Variants in SLC26A7 observed in about 807,000 individuals in gnomAD.
SLC26A7 encodes solute carrier family 26 member 7.
In SLC26A7, 59 loss-of-function variants were observed where a neutral mutation model predicts 82.5. The ratio of observed to expected loss-of-function variants is 0.72; its 90% CI spans 0.58 to 0.89. SLC26A7 has a LOEUF of 0.89. Among genes scored for constraint, SLC26A7 ranks in the 40% least tolerant of loss-of-function variants. The pLI is 0.00. For synonymous variants in SLC26A7, 271 were observed against 274.3 expected (o/e 0.99, Z 0.12); for missense variants, 820 against 793.0 (o/e 1.03, Z -0.41).
At chr8:91,333,049 C>T (rs1257065109) in intron 5 of SLC26A7, among the ~76,000 whole-genome samples, 3 of 152,036 alleles carry the variant, frequency 2.0e-5, no homozygotes, top group Non-Finnish European at 2.9e-5. Context: ...TTGCATTTGG[C>T]TGGTTATTAT....
chr8:91,365,882 T>A (rs1386877247), intron 13 of SLC26A7, among the ~76,000 whole-genome samples: 1 of 152,226 alleles, frequency 6.6e-6, no homozygotes, highest in East Asian at 1.9e-4. Flanking sequence ...CCCTCCTGTC[T>A]ATTTCTAGGC....
At chr8:91,239,335 C>T (rs1352533696) in intron 2 of SLC26A7, among the ~76,000 whole-genome samples, 2 of 139,390 alleles carry the variant, frequency 1.4e-5, no homozygotes, top group African/African-American at 5.5e-5. Context: ...GCGTTCGCCC[C>T]ACTGCACTCC....
At chr8:91,388,514 A>T (rs776933614) in intron 15 of SLC26A7, among the ~76,000 whole-genome samples, 6 of 152,068 alleles carry the variant, frequency 3.9e-5, no homozygotes, top group Non-Finnish European at 5.9e-5. Context: ...TTAAGAATTA[A>T]TTTTTTCAGA....
chr8:91,396,433 T>C lies in SLC26A7; in HGVS notation c.*1336T>C, dbSNP rs1002696724. The C allele has an allele frequency of 3.9e-5, 6 of 152,026 alleles. No individual in the cohort carries two copies. The highest frequency in any genetic ancestry group is 8.8e-5 in the Non-Finnish European group (6 of 67,900). 9.4% of individuals were successfully genotyped at this position (152,026 alleles called of 1,614,324 possible). A position where few individuals can be genotyped will look rare whatever the true frequency, so the allele number is the denominator to read the frequency against. ...AGCCATTTAGGTGCTTTCTCTGGCA[T>C]CTATAAAAGTAAATTCTAGTGCCTG... On this transcript the variant is annotated 3_prime_UTR_variant, in exon 19 of 19. Transcript: ENST00000276609.
In SLC26A7 at chr8:91,249,685, C is replaced by A; in HGVS notation, c.34C>A (p.Leu12Ile). ...TGAKRKKKSM[L>I]WSKMHTPQCE... Reference sequence around the variant, plus strand: ...AGCAAAGAGGAAAAAGAAAAGCATGCTTTGGAGCAAGATGCATACCCCCCA... The same window carrying A: ...AGCAAAGAGGAAAAAGAAAAGCATGATTTGGAGCAAGATGCATACCCCCCA... Residue 12 changes from leucine (L) to isoleucine (I), a missense_variant, in exon 2 of 19, where the codon CTT (leucine) becomes ATT (isoleucine). Coordinates refer to ENST00000276609, the MANE Select transcript of SLC26A7 (RefSeq NM_052832.4). 1 of 1,560,154 alleles carries A rather than the reference C, an allele frequency of 6.4e-7. No homozygotes were observed. Among genetic ancestry groups the A allele is most frequent in the Non-Finnish European group, 8.6e-7 (1 of 1,157,176 alleles).
chr8:91,339,721 C>T (rs1272871790), intron 7 of SLC26A7, among the ~76,000 whole-genome samples: 1 of 151,764 alleles, frequency 6.6e-6, no homozygotes. Context: ...AATAATGACA[C>T]TTTGGCTCAA....
In SLC26A7 at chr8:91,395,033, C is replaced by T. The variant is rs770941900; in HGVS notation, c.1936-29C>T. 172 of 1,602,642 alleles carry T rather than the reference C, an allele frequency of 1.1e-4. 1 individual carries two copies. The South Asian group carries it at 1.3e-3, about 12-fold the overall frequency. On this transcript the variant is annotated intron_variant, in intron 18 of 18. Transcript: ENST00000276609. Reference sequence around the variant, plus strand: ...CAATTTAAGAGTTGAGTAAATAGCACATACTTACTTCTTCCTCTGGTATTT... The same window carrying T: ...CAATTTAAGAGTTGAGTAAATAGCATATACTTACTTCTTCCTCTGGTATTT...
chr8:91,300,743 C>G (rs1812145132), intron 4 of SLC26A7, among the ~76,000 whole-genome samples: 1 of 152,208 alleles, frequency 6.6e-6, no homozygotes, highest in Admixed American at 6.5e-5. Context: ...GGTGATTTCT[C>G]TAATCCAATT....
intron 5 of SLC26A7, among the ~76,000 whole-genome samples, chr8:91,325,584 G>A (rs980403235): frequency 2.0e-5 from 3 of 152,082 alleles, no homozygotes; most frequent in Non-Finnish European, 4.4e-5. Flanking sequence ...TGATGTTGAA[G>A]GCATAAGACT....
At chr8:91,273,756 C>CT (rs1811333729) in intron 2 of SLC26A7, among the ~76,000 whole-genome samples, 2 of 152,288 alleles carry the variant, frequency 1.3e-5, no homozygotes, top group African/African-American at 2.4e-5. Flanking sequence ...CACTTCAAGT[C>CT]TTATCTTCCG....
In SLC26A7 at chr8:91,338,741, G is replaced by A. The variant is rs377243367; in HGVS notation, c.878+509G>A. Reference sequence around the variant, plus strand: ...GCCTTCCTCTGGCCACTAAGAAGGAGTTTAACAAAAGAGATGTTCACCCTA... The same window carrying A: ...GCCTTCCTCTGGCCACTAAGAAGGAATTTAACAAAAGAGATGTTCACCCTA... On this transcript the variant is annotated intron_variant, in intron 7 of 18. Coordinates refer to ENST00000276609, the MANE Select transcript of SLC26A7 (RefSeq NM_052832.4). 2.9e-3 allele frequency among the ~76,000 whole-genome samples: 438 copies of A among 152,270 alleles called. 1 individual carries two copies. Among genetic ancestry groups the A allele is most frequent in the African/African-American group, 9.1e-3 (378 of 41,574 alleles).
chr8:91,267,247 G>T (rs1811138908), intron 2 of SLC26A7, among the ~76,000 whole-genome samples: 1 of 151,612 alleles, frequency 6.6e-6, no homozygotes, highest in Non-Finnish European at 1.5e-5. Flanking sequence ...ATCTTATTTT[G>T]GTATCAGGGT....
intron 16 of SLC26A7, 71 bp downstream of exon 16, chr8:91,389,509 T>A (rs1814895902): frequency 9.5e-7 from 1 of 1,048,540 alleles, no homozygotes; most frequent in Admixed American, 1.7e-5. Context: ...CACCACCTTC[T>A]CTCCATAGTC....
At chr8:91,288,014 G>A (rs1811757191) in intron 2 of SLC26A7, among the ~76,000 whole-genome samples, 1 of 152,200 alleles carries the variant, frequency 6.6e-6, no homozygotes, top group South Asian at 2.1e-4. Context: ...GAAGAAAGGA[G>A]TGGTCATTGG....
In SLC26A7 at chr8:91,363,543, G is replaced by A. The variant is rs1426667916; in HGVS notation, c.1488+5G>A. 1.4e-6 allele frequency: 2 copies of A among 1,456,506 alleles called. No homozygotes were observed. Among genetic ancestry groups the A allele is most frequent in the Admixed American group, 4.0e-5 (2 of 49,842 alleles). The allele number at this position is 1,456,506 out of a possible 1,614,324, so 90.2% of individuals were successfully genotyped here. A position where few individuals can be genotyped will look rare whatever the true frequency, so the allele number is the denominator to read the frequency against. ...GTGAAGACAGAAATGGACAGTGTAAGTTTAGTTTTATTTTTCCTTTATGCA... is the reference window on the plus strand; with the variant it reads ...GTGAAGACAGAAATGGACAGTGTAAATTTAGTTTTATTTTTCCTTTATGCA... On this transcript the variant is annotated splice_donor_5th_base_variant and intron_variant, in intron 13 of 18. Transcript: ENST00000276609.
At chr8:91,279,593 G>A (rs994370114) in intron 2 of SLC26A7, among the ~76,000 whole-genome samples, 9 of 151,960 alleles carry the variant, frequency 5.9e-5, no homozygotes, top group East Asian at 1.9e-4. Flanking sequence ...ACGGAGTCTC[G>A]CTGTTGCCCA....
chr8:91,323,411 AC>A (rs1297732069), intron 5 of SLC26A7, among the ~76,000 whole-genome samples: 1 of 152,174 alleles, frequency 6.6e-6, no homozygotes, highest in Non-Finnish European at 1.5e-5. Context: ...TCCATCCCTC[AC>A]AATTCACTGA....
At chr8:91,239,920 A>T (rs1037781853) in intron 2 of SLC26A7, among the ~76,000 whole-genome samples, 2 of 152,230 alleles carry the variant, frequency 1.3e-5, no homozygotes, top group Non-Finnish European at 2.9e-5. Flanking sequence ...ATGTATTAAG[A>T]CATATTAAAA....
chr8:91,295,429 T>C (rs1811988993), intron 3 of SLC26A7, 102 bp from the exon 4 acceptor site: 1 of 1,302,056 alleles, frequency 7.7e-7, no homozygotes. Flanking sequence ...TTCTAATAGA[T>C]CTGTTTGGTT....
Sources: allele counts gnomAD v4.1 joint callset (sites outside exome capture counted in the v4.1 genomes callset), GRCh38; gene constraint gnomAD v4.1.1; transcripts MANE v1.5; gene names NCBI Gene and HGNC (gene_info 2026-07-23, HGNC 2026-07-21).